UTP25: variants seen among roughly 807,000 people sequenced by gnomAD.
UTP25 encodes the protein UTP25 small subunit processome component, also known as U3 small nucleolar RNA-associated protein 25 homolog.
In UTP25, 50 loss-of-function variants were observed where a neutral mutation model predicts 78.9. The observed-to-expected ratio is 0.63, with a 90% CI of 0.50 to 0.80. UTP25 has a LOEUF of 0.80. Ranked by LOEUF, UTP25 falls within the 30% of genes least tolerant of loss-of-function variation. UTP25 has a pLI of 0.00. For synonymous variants in UTP25, 329 were observed against 336.5 expected (o/e 0.98, Z 0.24); for missense variants, 846 against 911.3 (o/e 0.93, Z 0.92).
intron 2 of UTP25, 80 bp downstream of exon 2, chr1:209,830,227 A>G (rs1482522554): frequency 1.0e-5 from 13 of 1,263,054 alleles, no homozygotes; most frequent in African/African-American, 4.6e-5. Flanking sequence ...AAGCTTGATT[A>G]CATTTCTATT....
intron 11 of UTP25, among the ~76,000 whole-genome samples, chr1:209,847,720 A>G (rs998697726): frequency 1.3e-5 from 2 of 152,154 alleles, no homozygotes; most frequent in Non-Finnish European, 2.9e-5. Flanking sequence ...TTGGGGAACA[A>G]TTTTGCTCCC....
At position 209,838,974 on chromosome 1, in the gene UTP25, C is replaced by G; in HGVS notation, c.1128C>G (p.Leu376=). The G allele has an allele frequency of 6.2e-7, 1 of 1,613,988 alleles. No individual in the cohort carries two copies. Among genetic ancestry groups the G allele is most frequent in the Non-Finnish European group, 8.5e-7 (1 of 1,179,978 alleles). Residue 376 remains leucine (L), a synonymous_variant, in exon 7 of 12, where the codon CTC becomes CTG. Transcript: ENST00000491415. ...TGGTGCAGCTCTTCATCAGCCTCCTCGAGGGTGACAGCAAGAAGAAAATCA... is the reference window on the plus strand; with the variant it reads ...TGGTGCAGCTCTTCATCAGCCTCCTGGAGGGTGACAGCAAGAAGAAAATCA... ...LRVVQLFISL[L]EGDSKKKIIV...
chr1:209,831,911 G>A (rs1222953151), intron 3 of UTP25, among the ~76,000 whole-genome samples: 1 of 151,774 alleles, frequency 6.6e-6, no homozygotes, highest in African/African-American at 2.4e-5. Flanking sequence ...CTTTTTAGTT[G>A]CTGGAATAGC....
chr1:209,833,815 C>T (rs2078116942), intron 4 of UTP25, among the ~76,000 whole-genome samples: 1 of 152,196 alleles, frequency 6.6e-6, no homozygotes, highest in Admixed American at 6.5e-5. Context: ...CCTGTGTCTC[C>T]TGCCTCCCAC....
chr1:209,829,313 T>C (rs1227667945), intron 1 of UTP25, among the ~76,000 whole-genome samples: 4 of 152,340 alleles, frequency 2.6e-5, no homozygotes, highest in African/African-American at 9.6e-5. Flanking sequence ...GTGTGTGTTT[T>C]TAAAGAATTT....
rs1445880431 is a variant in UTP25 at position 209,832,624 on chromosome 1, T to C, written c.389-561T>C. Reference sequence around the variant, plus strand: ...ATGAGAAAGAGATCTGGCTCACGCCTGTAATCCCAACACTTTGGGAGGCTG... The same window carrying C: ...ATGAGAAAGAGATCTGGCTCACGCCCGTAATCCCAACACTTTGGGAGGCTG... On this transcript the variant is annotated intron_variant, in intron 3 of 11. Transcript: ENST00000491415. Among the ~76,000 whole-genome samples, 5 of 152,368 alleles carry C rather than the reference T, an allele frequency of 3.3e-5. No individual in the cohort carries two copies. The East Asian group carries it at 7.7e-4, about 23-fold the overall frequency.
rs2102570840 is a variant in UTP25 at position 209,835,131 on chromosome 1, G to A, written c.619G>A (p.Ala207Thr). 1.2e-6 allele frequency: 2 copies of A among 1,613,778 alleles called. No individual in the cohort carries two copies. Among genetic ancestry groups the A allele is most frequent in the Non-Finnish European group, 1.7e-6 (2 of 1,179,740 alleles). The stretch of plus-strand genomic sequence containing the variant: ...GAAAGAAAAAGCAATTCAGGCTGTT[G>A]CCACAAATCCCAAAACTACCCACGA... ...ELKEKAIQAVATNPKTTHELK... is the reference protein window; with the variant it reads ...ELKEKAIQAVTTNPKTTHELK... Residue 207 changes from alanine to threonine, a missense_variant, in exon 5 of 12, where the codon GCC becomes ACC. Transcript: ENST00000491415.
intron 6 of UTP25, among the ~76,000 whole-genome samples, chr1:209,837,537 A>G (rs1351953502): frequency 6.6e-6 from 1 of 152,206 alleles, no homozygotes; most frequent in East Asian, 1.9e-4. Context: ...TGGGACCTTA[A>G]TGAGCCTTTT....
intron 6 of UTP25, among the ~76,000 whole-genome samples, chr1:209,838,093 G>C: frequency 6.6e-6 from 1 of 152,196 alleles, no homozygotes; most frequent in East Asian, 1.9e-4. Flanking sequence ...GTACCAAGCT[G>C]AGTCCACTGC....
intron 11 of UTP25, chr1:209,843,909 T>A: frequency 1.6e-6 from 1 of 618,128 alleles, no homozygotes; most frequent in Non-Finnish European, 2.8e-6. Context: ...AAGAAGGATG[T>A]AGAAACCAAA....
At chr1:209,835,337 G>A (rs1165692092) in intron 5 of UTP25, among the ~76,000 whole-genome samples, 174 bp downstream of exon 5, 1 of 152,202 alleles carries the variant, frequency 6.6e-6, no homozygotes, top group Non-Finnish European at 1.5e-5. Context: ...GTTGTAGCTA[G>A]AAAACGCACC....
At chr1:209,843,398 C>G in intron 10 of UTP25, 53 bp from the exon 11 acceptor site, 2 of 1,596,752 alleles carry the variant, frequency 1.3e-6, no homozygotes, top group Admixed American at 3.4e-5. Flanking sequence ...AGTTAAGAGA[C>G]ACCATAAGCT....
chr1:209,839,188 AG>A, intron 7 of UTP25, 60 bp downstream of exon 7: 1 of 1,426,238 alleles, frequency 7.0e-7, no homozygotes, highest in Non-Finnish European at 9.6e-7. Context: ...GCTGGAGACC[AG>A]AAGCTGGAAT....
At chr1:209,844,874 G>A (rs1433012124) in intron 11 of UTP25, among the ~76,000 whole-genome samples, 1 of 152,158 alleles carries the variant, frequency 6.6e-6, no homozygotes, top group Non-Finnish European at 1.5e-5. Flanking sequence ...GTAGAGTTAT[G>A]TAAATTACAT....
intron 11 of UTP25, 107 bp downstream of exon 11, chr1:209,843,803 C>G (rs1189576169): frequency 2.7e-5 from 37 of 1,391,594 alleles, no homozygotes; most frequent in Non-Finnish European, 3.5e-5. Flanking sequence ...GATCATCCCT[C>G]ACTCTCGCAC....
At position 209,854,216 on chromosome 1, in the gene UTP25, G is replaced by A. The variant is rs2078258116; in HGVS notation, c.*2769G>A. On this transcript the variant is annotated 3_prime_UTR_variant, in exon 12 of 12. Transcript: ENST00000491415. ...TAGACAAAGGATGGTCCCAATCCTG[G>A]AAACAGTGGAATTAAAAGGTATGGA... The A allele has an allele frequency of 6.6e-6, 1 of 152,190 alleles. No individual in the cohort carries two copies. Among genetic ancestry groups the A allele is most frequent in the Non-Finnish European group, 1.5e-5 (1 of 68,036 alleles). The allele number at this position is 152,190 out of a possible 1,614,324, so 9.4% of individuals were successfully genotyped here.
chr1:209,836,348 T>C (rs952334758), intron 5 of UTP25, among the ~76,000 whole-genome samples: 3 of 152,238 alleles, frequency 2.0e-5, no homozygotes, highest in African/African-American at 7.2e-5. Flanking sequence ...ATGGACAGAT[T>C]TCTTGTCATA....
rs2078282285 is a variant in UTP25 at position 209,857,058 on chromosome 1, T to G, written c.*5611T>G. The G allele has an allele frequency of 6.6e-6, 1 of 152,214 alleles. No individual in the cohort carries two copies. Among genetic ancestry groups the G allele is most frequent in the African/African-American group, 2.4e-5 (1 of 41,462 alleles). The allele number at this position is 152,214 out of a possible 1,614,324, so 9.4% of individuals were successfully genotyped here. On this transcript the variant is annotated 3_prime_UTR_variant, in exon 12 of 12. Coordinates refer to ENST00000491415, the MANE Select transcript of UTP25 (RefSeq NM_014388.7). ...ATAGAAACTTACAGGTCTTGTGATC[T>G]AATCTGCCACTTGATCCGTGAATTA...
chr1:209,855,902 A>G lies in UTP25; in HGVS notation c.*4455A>G, dbSNP rs1267811784. ...TAAGGAATGACACAGAGCATGGAGC[A>G]CCATCACTGAAACATCTGCCCCAGT... is the stretch of plus-strand genomic sequence containing the variant. On this transcript the variant is annotated 3_prime_UTR_variant, in exon 12 of 12. Transcript: ENST00000491415. 1 of 152,346 alleles carries G rather than the reference A, an allele frequency of 6.6e-6. No homozygotes were observed. Among genetic ancestry groups the G allele is most frequent in the Non-Finnish European group, 1.5e-5 (1 of 68,152 alleles). The allele number at this position is 152,346 out of a possible 1,614,324, so 9.4% of individuals were successfully genotyped here.
Sources: gnomAD v4.1 joint callset for allele counts (sites outside exome capture counted in the v4.1 genomes callset) on GRCh38, gnomAD v4.1.1 for gene constraint, MANE v1.5 for transcripts, NCBI Gene and HGNC (gene_info 2026-07-23, HGNC 2026-07-21) for gene names.